The following RBFOX1 variants were observed in gnomAD, a reference collection of about 807,000 sequenced individuals.
RBFOX1 encodes RNA binding protein fox-1 homolog 1.
A neutral mutation model predicts 57.7 loss-of-function variants in RBFOX1; 8 were observed. The ratio of observed to expected loss-of-function variants is 0.14; its 90% CI spans 0.08 to 0.25. The LOEUF is 0.25. Ranked by LOEUF, RBFOX1 falls within the 10% of genes least tolerant of loss-of-function variation. RBFOX1 has a pLI of 1.00. For missense variants in RBFOX1, 611 were observed against 548.5 expected (o/e 1.11, Z -1.14); for synonymous variants, 326 against 222.4 (o/e 1.47, Z -4.15).
At chr16:6,988,866 G>C (rs372513376) in intron 3 of RBFOX1, among the ~76,000 whole-genome samples, 1 of 151,766 alleles carries the variant, frequency 6.6e-6, no homozygotes, top group East Asian at 1.9e-4. Context: ...CTCCCTCCTG[G>C]GTTCAGTGAT....
At chr16:6,122,313 G>A (rs1264684746) in intron 1 of RBFOX1, among the ~76,000 whole-genome samples, 1 of 151,470 alleles carries the variant, frequency 6.6e-6, no homozygotes, top group Admixed American at 6.6e-5. Context: ...TCAATAATTT[G>A]TGTATTTCTG....
intron 3 of RBFOX1, among the ~76,000 whole-genome samples, chr16:5,698,592 CTG>C (rs2050921360): frequency 6.6e-6 from 1 of 151,226 alleles, no homozygotes; most frequent in Non-Finnish European, 1.5e-5. Context: ...ACTTCCACTC[CTG>C]AGTATACATT....
intron 4 of RBFOX1, among the ~76,000 whole-genome samples, chr16:7,063,669 A>G (rs76547906): frequency 6.2e-4 from 94 of 152,294 alleles, no homozygotes; most frequent in Admixed American, 1.4e-3. Flanking sequence ...TCATATTTGC[A>G]GATTCAACCA....
chr16:6,137,676 C>T (rs1380573229), intron 1 of RBFOX1, among the ~76,000 whole-genome samples: 1 of 136,378 alleles, frequency 7.3e-6, no homozygotes, highest in Admixed American at 8.1e-5. Flanking sequence ...TGAAGTGACA[C>T]AATCATGGCT....
intron 4 of RBFOX1, among the ~76,000 whole-genome samples, chr16:7,209,750 C>G (rs576893755): frequency 1.3e-5 from 2 of 152,174 alleles, no homozygotes; most frequent in African/African-American, 2.4e-5. Context: ...GGAGTCTTGT[C>G]TGAGTCATCA....
intron 3 of RBFOX1, among the ~76,000 whole-genome samples, chr16:5,811,048 C>G (rs1597344686): frequency 6.6e-6 from 1 of 152,064 alleles, no homozygotes; most frequent in African/African-American, 2.4e-5. Context: ...CCTCCCTGCT[C>G]CCATCCTCCT....
At chr16:5,712,629 T>C (rs928122622) in intron 3 of RBFOX1, among the ~76,000 whole-genome samples, 10 of 152,262 alleles carry the variant, frequency 6.6e-5, no homozygotes, top group Non-Finnish European at 1.5e-4. Context: ...TGTCCTCATG[T>C]GTAGTTTAGG....
chr16:7,325,404 T>C (rs890050128), intron 4 of RBFOX1, among the ~76,000 whole-genome samples: 6 of 152,194 alleles, frequency 3.9e-5, no homozygotes, highest in African/African-American at 1.4e-4. Flanking sequence ...TTAACTACTA[T>C]ACTATGGTGC....
At chr16:7,166,266 G>A (rs1209825936) in intron 4 of RBFOX1, among the ~76,000 whole-genome samples, 7 of 134,850 alleles carry the variant, frequency 5.2e-5, no homozygotes, top group East Asian at 6.3e-4. Flanking sequence ...CACCCTTGTC[G>A]GACTTCCCAA....
intron 3 of RBFOX1, among the ~76,000 whole-genome samples, chr16:5,606,065 C>T (rs945926149): frequency 1.3e-5 from 2 of 152,202 alleles, no homozygotes; most frequent in African/African-American, 4.8e-5. Flanking sequence ...TTGCCCGTGG[C>T]ATGTCTCTAG....
intron 14 of RBFOX1, among the ~76,000 whole-genome samples, chr16:7,687,199 C>G (rs1175098230): frequency 3.3e-5 from 5 of 151,970 alleles, no homozygotes; most frequent in Non-Finnish European, 1.5e-5. Context: ...CGTGACAACA[C>G]TAAACTGAAT....
intron 4 of RBFOX1, among the ~76,000 whole-genome samples, chr16:7,068,916 T>A (rs1290322869): frequency 1.3e-5 from 2 of 152,220 alleles, no homozygotes; most frequent in Non-Finnish European, 2.9e-5. Context: ...TTGATAGTTC[T>A]GTTGATTTCT....
At chr16:7,322,322 C>T (rs557612254) in intron 4 of RBFOX1, among the ~76,000 whole-genome samples, 2 of 152,244 alleles carry the variant, frequency 1.3e-5, no homozygotes, top group Non-Finnish European at 2.9e-5. Context: ...ACCTTGAAAA[C>T]CTGCCCCCTG....
intron 3 of RBFOX1, among the ~76,000 whole-genome samples, chr16:7,043,981 G>C (rs1018758578): frequency 6.6e-6 from 1 of 152,008 alleles, no homozygotes; most frequent in African/African-American, 2.4e-5. Context: ...AGACAAGTTG[G>C]GCCACCTCCT....
chr16:7,693,267 C>G (rs759295563), intron 14 of RBFOX1: 9 of 1,551,810 alleles, frequency 5.8e-6, no homozygotes, highest in Non-Finnish European at 8.0e-6. Context: ...GCAGAGAGCA[C>G]ATTTCCCCCT....
At chr16:6,315,811 T>C (rs949894873) in intron 1 of RBFOX1, among the ~76,000 whole-genome samples, 2 of 152,160 alleles carry the variant, frequency 1.3e-5, no homozygotes, top group African/African-American at 4.8e-5. Flanking sequence ...TTGAAGTCAC[T>C]TGATGTTTTT....
At chr16:7,029,160 A>G (rs1482452338) in intron 3 of RBFOX1, among the ~76,000 whole-genome samples, 1 of 84,106 alleles carries the variant, frequency 1.2e-5, no homozygotes, top group Non-Finnish European at 2.7e-5. Flanking sequence ...GTATATATAT[A>G]CACATATATA....
intron 3 of RBFOX1, among the ~76,000 whole-genome samples, chr16:5,836,106 A>C (rs2056448396): frequency 6.6e-6 from 1 of 152,222 alleles, no homozygotes; most frequent in African/African-American, 2.4e-5. Context: ...ATTAGTCGTG[A>C]GGCTGTGCAG....
At position 7,104,936 on chromosome 16, in the gene RBFOX1, T is replaced by G. The variant is rs1262588203; in HGVS notation, c.27+52838T>G. Among the ~76,000 whole-genome samples, 3 of 149,340 alleles carry G rather than the reference T, an allele frequency of 2.0e-5. No homozygotes were observed. The East Asian group carries it at 5.8e-4, about 29-fold the overall frequency. On this transcript the variant is annotated intron_variant, in intron 4 of 15. Coordinates refer to ENST00000550418, the MANE Select transcript of RBFOX1 (RefSeq NM_018723.4). ...CAGAAAATATACTCAGAAATCTCTG[T>G]GCTTGTGTGTGTGTGCACGTGCTTC...
Sources: allele counts gnomAD v4.1 joint callset (sites outside exome capture counted in the v4.1 genomes callset), GRCh38; gene constraint gnomAD v4.1.1; transcripts MANE v1.5; gene names NCBI Gene and HGNC (gene_info 2026-07-23, HGNC 2026-07-21).